The following SLIT3 variants were observed in gnomAD, a reference collection of about 807,000 sequenced individuals.
The protein encoded by SLIT3 is slit homolog 3 protein.
Under a neutral mutation model 184.0 loss-of-function variants are expected in SLIT3, and 68 were observed. The observed-to-expected ratio is 0.37, with a 90% CI of 0.30 to 0.45. The LOEUF is 0.45. Among genes scored for constraint, SLIT3 ranks in the 20% least tolerant of loss-of-function variants. SLIT3 has a pLI of 1.00. For synonymous variants in SLIT3, 831 were observed against 828.6 expected, an observed-to-expected ratio of 1.00 and a Z score of -0.05; for missense variants, 1,707 against 2,026.0, an observed-to-expected ratio of 0.84 and a Z score of 3.02.
chr5:169,113,092 C>T lies in SLIT3; in HGVS notation c.413+80387G>A, dbSNP rs148072327. 1.1e-3 allele frequency among the ~76,000 whole-genome samples: 171 copies of T among 152,214 alleles called. 1 individual carries two copies. Among genetic ancestry groups the T allele is most frequent in the African/African-American group, 3.8e-3 (157 of 41,518 alleles). On this transcript the variant is annotated intron_variant, in intron 4 of 35. Coordinates refer to ENST00000519560, the MANE Select transcript of SLIT3 (RefSeq NM_003062.4). Reference sequence around the variant, plus strand: ...AGCATCAAATTTAACATCTTAATGGCGTTCAAGTGTACAGCTCTGTGGCGT... The same window carrying T: ...AGCATCAAATTTAACATCTTAATGGTGTTCAAGTGTACAGCTCTGTGGCGT...
intron 4 of SLIT3, among the ~76,000 whole-genome samples, chr5:168,951,275 C>T (rs143656892): frequency 5.4e-4 from 82 of 152,282 alleles, no homozygotes; most frequent in African/African-American, 1.8e-3. Flanking sequence ...AGTTATAGTG[C>T]ATCTTATAGA....
intron 27 of SLIT3, 103 bp downstream of exon 27, chr5:168,700,479 T>G: frequency 1.2e-6 from 1 of 833,514 alleles, no homozygotes; most frequent in Non-Finnish European, 2.0e-6. Context: ...CTGTGAGTCC[T>G]TTAAACTTCT....
chr5:168,696,371 C>T lies in SLIT3; in HGVS notation c.3003G>A (p.Glu1001=). 1.2e-6 allele frequency: 2 copies of T among 1,614,170 alleles called. No homozygotes were observed. Among genetic ancestry groups the T allele is most frequent in the Non-Finnish European group, 1.7e-6 (2 of 1,180,044 alleles). Residue 1001 remains glutamate, a synonymous_variant, in exon 28 of 36, where the codon GAG becomes GAA. Transcript: ENST00000519560. ...QRCEINPDDC[E]DNDCENNATC... ...TGGCATTGTTTTCGCAGTCGTTGTC[C>T]TCACAGTCATCTGGGTTGATCTCAC...
chr5:169,289,310 A>G (rs1414206834), intron 1 of SLIT3, among the ~76,000 whole-genome samples: 1 of 152,226 alleles, frequency 6.6e-6, no homozygotes, highest in Admixed American at 6.5e-5. Context: ...GAGAGAGAAG[A>G]AGAGGAGAGA....
intron 4 of SLIT3, among the ~76,000 whole-genome samples, chr5:168,943,032 A>T (rs777497198): frequency 2.0e-5 from 3 of 152,144 alleles, no homozygotes; most frequent in Non-Finnish European, 2.9e-5. Flanking sequence ...ACCTAGGGGG[A>T]GTTTGAGGTC....
chr5:169,034,277 T>A (rs1218293905), intron 4 of SLIT3, among the ~76,000 whole-genome samples: 1 of 152,226 alleles, frequency 6.6e-6, no homozygotes, highest in East Asian at 1.9e-4. Flanking sequence ...CTTTTGCTTT[T>A]GTGTCCTGAG....
chr5:168,963,989 A>T (rs1763101408), intron 4 of SLIT3, among the ~76,000 whole-genome samples: 1 of 152,246 alleles, frequency 6.6e-6, no homozygotes. Context: ...ATTATGATTT[A>T]TGAGGCCACG....
At chr5:168,943,760 A>C (rs925254526) in intron 4 of SLIT3, among the ~76,000 whole-genome samples, 1 of 152,232 alleles carries the variant, frequency 6.6e-6, no homozygotes, top group African/African-American at 2.4e-5. Flanking sequence ...CCTGTGTCTC[A>C]GATCCATTTT....
chr5:169,289,610 G>A (rs997801954), intron 1 of SLIT3, among the ~76,000 whole-genome samples: 1 of 152,228 alleles, frequency 6.6e-6, no homozygotes, highest in Non-Finnish European at 1.5e-5. Flanking sequence ...CAAGTCTGCA[G>A]TCTCCAGTGA....
In SLIT3 at chr5:168,817,311, T is replaced by C; in HGVS notation, c.782A>G (p.Tyr261Cys). 1.2e-6 allele frequency: 2 copies of C among 1,614,174 alleles called. No homozygotes were observed. Among genetic ancestry groups the C allele is most frequent in the Non-Finnish European group, 1.7e-6 (2 of 1,180,014 alleles). ...TAAAGCATCCTCACCTGGGCACACG[T>C]ACTCCTTCTTCTGCACATCCGCCAC... is the stretch of plus-strand genomic sequence containing the variant. Reference protein sequence around the residue: ...FNVADVQKKEYVCPAPHSEPP... With the variant: ...FNVADVQKKECVCPAPHSEPP... The change falls in exon 8 of 36, where the codon TAC becomes TGC. Residue 261 changes from tyrosine (Y) to cysteine (C), a missense_variant. Transcript: ENST00000519560.
intron 1 of SLIT3, among the ~76,000 whole-genome samples, chr5:169,267,694 A>G (rs922367972): frequency 2.6e-5 from 4 of 152,224 alleles, no homozygotes; most frequent in African/African-American, 9.6e-5. Flanking sequence ...ATCAACACAA[A>G]TGGTCATTCC....
chr5:169,220,110 C>T (rs548656401), intron 3 of SLIT3, among the ~76,000 whole-genome samples: 1 of 152,260 alleles, frequency 6.6e-6, no homozygotes, highest in South Asian at 2.1e-4. Flanking sequence ...CAGCACCACT[C>T]TCATTCTTGC....
At chr5:168,846,308 A>G (rs1006927344) in intron 5 of SLIT3, among the ~76,000 whole-genome samples, 1 of 152,176 alleles carries the variant, frequency 6.6e-6, no homozygotes, top group African/African-American at 2.4e-5. Context: ...TCTAGTGTTC[A>G]AAGTTCTCAC....
chr5:168,878,575 A>G (rs144358232), intron 5 of SLIT3, among the ~76,000 whole-genome samples: 330 of 152,342 alleles, frequency 2.2e-3, no homozygotes, highest in African/African-American at 7.5e-3. Flanking sequence ...CGAAAGTCCA[A>G]AAGATGGTTG....
chr5:168,748,236 T>C, intron 20 of SLIT3, 66 bp downstream of exon 20: 1 of 1,407,134 alleles, frequency 7.1e-7, no homozygotes. Context: ...GATTCTGGGG[T>C]AAAGTATGGA....
chr5:169,079,638 AGAG>A (rs1261871011), intron 4 of SLIT3, among the ~76,000 whole-genome samples: 1 of 49,112 alleles, frequency 2.0e-5, no homozygotes, highest in Non-Finnish European at 3.8e-5. Flanking sequence ...GGAGGAGGGA[AGAG>A]GAGGAGGAGG....
intron 4 of SLIT3, among the ~76,000 whole-genome samples, chr5:169,153,649 G>A (rs1581465360): frequency 6.6e-6 from 1 of 152,246 alleles, no homozygotes; most frequent in Non-Finnish European, 1.5e-5. Context: ...TGCCTGAAGG[G>A]CTTGTCCTAA....
At chr5:168,849,022 A>G (rs1171471620) in intron 5 of SLIT3, among the ~76,000 whole-genome samples, 1 of 152,194 alleles carries the variant, frequency 6.6e-6, no homozygotes, top group Non-Finnish European at 1.5e-5. Context: ...AACAGTAACC[A>G]AAAAAAGAAG....
intron 14 of SLIT3, among the ~76,000 whole-genome samples, chr5:168,770,240 G>C (rs1361314090): frequency 6.6e-6 from 1 of 152,220 alleles, no homozygotes; most frequent in Non-Finnish European, 1.5e-5. Flanking sequence ...CTGATAGAGA[G>C]AGGCAGACAC....
Sources: gnomAD v4.1 joint callset for allele counts (sites outside exome capture counted in the v4.1 genomes callset) on GRCh38, gnomAD v4.1.1 for gene constraint, MANE v1.5 for transcripts, NCBI Gene and HGNC (gene_info 2026-07-23, HGNC 2026-07-21) for gene names.